HOMER1: variants seen among roughly 807,000 people sequenced by gnomAD.
HOMER1 encodes the protein homer scaffold protein 1, also known as homer protein homolog 1.
In HOMER1, 3 loss-of-function variants were observed where a neutral mutation model predicts 48.9. The ratio of observed to expected loss-of-function variants is 0.06; its 90% CI spans 0.03 to 0.16. The LOEUF is 0.16. HOMER1 is among the 10% of genes least tolerant of loss of function. The pLI, the probability that HOMER1 is intolerant of heterozygous loss-of-function variation, is 1.00. For synonymous variants in HOMER1, 134 were observed against 146.4 expected, an observed-to-expected ratio of 0.92 and a Z score of 0.61; for missense variants, 247 against 411.4, an observed-to-expected ratio of 0.60 and a Z score of 3.46.
intron 1 of HOMER1, among the ~76,000 whole-genome samples, chr5:79,508,195 A>G (rs1424396520): frequency 2.0e-5 from 3 of 152,212 alleles, no homozygotes; most frequent in Non-Finnish European, 4.4e-5. Flanking sequence ...CTTCACACAG[A>G]AGAGAAGTGC....
At chr5:79,385,813 A>T (rs922003197) in intron 8 of HOMER1, among the ~76,000 whole-genome samples, 1 of 126,398 alleles carries the variant, frequency 7.9e-6, no homozygotes, top group African/African-American at 3.0e-5. Flanking sequence ...ACTGCACTCT[A>T]GCCTGGGTGA....
At chr5:79,410,770 T>TA (rs1749795889) in intron 5 of HOMER1, among the ~76,000 whole-genome samples, 1 of 152,186 alleles carries the variant, frequency 6.6e-6, no homozygotes. Flanking sequence ...GACTTACATT[T>TA]AGCAACAATT....
intron 1 of HOMER1, among the ~76,000 whole-genome samples, chr5:79,497,133 T>G (rs1752447586): frequency 6.6e-6 from 1 of 150,736 alleles, no homozygotes; most frequent in African/African-American, 2.4e-5. Flanking sequence ...TGGACAAACT[T>G]AAGGATATCT....
At position 79,513,258 on chromosome 5, in the gene HOMER1, A is replaced by G. The variant is rs1752992553; in HGVS notation, c.-484T>C. On this transcript the variant is annotated 5_prime_UTR_variant, in exon 1 of 9. Transcript: ENST00000334082. ...GCAACCAAACGCGACGTGCACGTGA[A>G]TAAAAATCCCAAAAGCAGTAATGCC... The G allele has an allele frequency of 6.3e-6, 1 of 158,848 alleles. No homozygotes were observed. The allele number at this position is 158,848 out of a possible 1,614,324, so 9.8% of individuals were successfully genotyped here.
chr5:79,511,711 G>GT (rs2112389823), intron 1 of HOMER1, among the ~76,000 whole-genome samples: 1 of 152,268 alleles, frequency 6.6e-6, no homozygotes, highest in East Asian at 1.9e-4. Context: ...AATTTTCAAA[G>GT]TTATGCATGT....
intron 5 of HOMER1, among the ~76,000 whole-genome samples, chr5:79,437,214 A>G (rs1580450890): frequency 6.6e-6 from 1 of 152,192 alleles, no homozygotes; most frequent in East Asian, 1.9e-4. Flanking sequence ...TTAAATACAG[A>G]ATTTATTTCT....
intron 1 of HOMER1, among the ~76,000 whole-genome samples, chr5:79,492,689 A>C (rs1752313403): frequency 6.6e-6 from 1 of 152,142 alleles, no homozygotes; most frequent in African/African-American, 2.4e-5. Context: ...TCCACAGAAA[A>C]GCCATCAAAT....
At chr5:79,502,336 C>G (rs1291633317) in intron 1 of HOMER1, among the ~76,000 whole-genome samples, 1 of 151,940 alleles carries the variant, frequency 6.6e-6, no homozygotes, top group African/African-American at 2.4e-5. Context: ...TAACATTTTA[C>G]TGTAATAAAT....
intron 1 of HOMER1, among the ~76,000 whole-genome samples, chr5:79,460,054 T>C (rs754897522): frequency 2.0e-5 from 3 of 152,198 alleles, no homozygotes; most frequent in African/African-American, 7.2e-5. Context: ...AGGTTCTCAC[T>C]ATATTGCCCA....
At chr5:79,453,954 AGAAAAGTAATTAGAAAATG>A (rs1251380087) in intron 2 of HOMER1, among the ~76,000 whole-genome samples, 27 of 152,240 alleles carry the variant, frequency 1.8e-4, no homozygotes, top group Admixed American at 2.6e-4. Flanking sequence ...GCATCAGTTT[AGAAAAGTAATTAGAAAATG>A]GAAAATGTGA....
chr5:79,376,423 G>A (rs539038712), intron 8 of HOMER1, among the ~76,000 whole-genome samples: 4 of 152,122 alleles, frequency 2.6e-5, no homozygotes, highest in Admixed American at 6.5e-5. Context: ...ACCACTCAAC[G>A]AAAATCTACT....
chr5:79,406,098 TTA>T lies in HOMER1; in HGVS notation c.528-4045_528-4044del, dbSNP rs199814123. On this transcript the variant is annotated intron_variant, in intron 5 of 8. Coordinates refer to ENST00000334082, the MANE Select transcript of HOMER1 (RefSeq NM_004272.5). ...TAATACCGATTGGCAGAAGTACTTT[TTA>T]TATGAGTAGTCTAGGTAGTTATAAC... is the stretch of plus-strand genomic sequence containing the variant. Among the ~76,000 whole-genome samples the T allele has an allele frequency of 5.3e-3, 800 of 152,324 alleles. 3 individuals carry two copies. The highest frequency in any genetic ancestry group is 0.018 in the African/African-American group (764 of 41,570).
At chr5:79,468,766 C>T (rs922547574) in intron 1 of HOMER1, among the ~76,000 whole-genome samples, 1 of 152,178 alleles carries the variant, frequency 6.6e-6, no homozygotes, top group African/African-American at 2.4e-5. Context: ...GGTCACAGCA[C>T]CTGTACCAAT....
At chr5:79,420,130 TAATA>T (rs1750057196) in intron 5 of HOMER1, among the ~76,000 whole-genome samples, 1 of 152,236 alleles carries the variant, frequency 6.6e-6, no homozygotes, top group Non-Finnish European at 1.5e-5. Context: ...GTATTAAATG[TAATA>T]AATCAACATC....
intron 1 of HOMER1, among the ~76,000 whole-genome samples, chr5:79,458,405 T>TAATTTTAAAATTATGAAG (rs1329756944): frequency 2.6e-5 from 4 of 152,048 alleles, no homozygotes; most frequent in African/African-American, 9.6e-5. Context: ...TTAAGTAAAT[T>TAATTTTAAAATTATGAAG]AATTTTAAAA....
At chr5:79,474,495 A>G (rs901362410) in intron 1 of HOMER1, among the ~76,000 whole-genome samples, 2 of 152,138 alleles carry the variant, frequency 1.3e-5, no homozygotes, top group Non-Finnish European at 2.9e-5. Context: ...TTAACAGATA[A>G]AATAAACTCC....
chr5:79,451,658 C>T (rs920980897), intron 2 of HOMER1, among the ~76,000 whole-genome samples: 3 of 149,002 alleles, frequency 2.0e-5, no homozygotes, highest in African/African-American at 7.5e-5. Flanking sequence ...CTCCAACTCC[C>T]GGGTTCACGC....
intron 1 of HOMER1, among the ~76,000 whole-genome samples, chr5:79,458,423 G>A (rs2112304906): frequency 6.6e-6 from 1 of 151,738 alleles, no homozygotes; most frequent in East Asian, 1.9e-4. Context: ...AAATTATGAA[G>A]AATTTTAAAA....
chr5:79,383,152 G>A (rs915253863), intron 8 of HOMER1, among the ~76,000 whole-genome samples: 3 of 152,132 alleles, frequency 2.0e-5, no homozygotes, highest in Non-Finnish European at 2.9e-5. Flanking sequence ...TATAATGATA[G>A]AGAGATCAAT....
Sources: allele counts gnomAD v4.1 joint callset (sites outside exome capture counted in the v4.1 genomes callset), GRCh38; gene constraint gnomAD v4.1.1; transcripts MANE v1.5; gene names NCBI Gene and HGNC (gene_info 2026-07-23, HGNC 2026-07-21).